Variants in GALNT13 observed in about 807,000 individuals in gnomAD.
GALNT13 encodes polypeptide N-acetylgalactosaminyltransferase 13.
Under a neutral mutation model 64.2 loss-of-function variants are expected in GALNT13, and 28 were observed. The observed-to-expected ratio is 0.44, with a 90% CI of 0.32 to 0.60. The LOEUF (loss-of-function observed/expected upper bound fraction) is 0.60. Among genes scored for constraint, GALNT13 ranks in the 20% least tolerant of loss-of-function variants. The pLI, the probability that GALNT13 is intolerant of heterozygous loss-of-function variation, is 0.05. For synonymous variants in GALNT13, 214 were observed against 224.6 expected, an observed-to-expected ratio of 0.95 and a Z score of 0.42; for missense variants, 577 against 669.8, an observed-to-expected ratio of 0.86 and a Z score of 1.53.
At chr2:154,110,047 G>A (rs1185810142) in intron 3 of GALNT13, among the ~76,000 whole-genome samples, 1 of 151,664 alleles carries the variant, frequency 6.6e-6, no homozygotes, top group African/African-American at 2.4e-5. Context: ...GAGAAAGATA[G>A]ATATTGTTTC....
the GALNT13 span, among the ~76,000 whole-genome samples, chr2:153,183,723 G>T: frequency 6.6e-6 from 1 of 152,108 alleles, no homozygotes; most frequent in Non-Finnish European, 1.5e-5. Flanking sequence ...TATTAAGGAG[G>T]CAGTCTCTCC....
chr2:153,476,538 C>G, the GALNT13 span, among the ~76,000 whole-genome samples: 1 of 152,166 alleles, frequency 6.6e-6, no homozygotes, highest in African/African-American at 2.4e-5. Context: ...GCGTTTCTTT[C>G]TAACACTGTT....
At chr2:153,732,406 T>A in the GALNT13 span, among the ~76,000 whole-genome samples, 1 of 152,130 alleles carries the variant, frequency 6.6e-6, no homozygotes, top group African/African-American at 2.4e-5. Flanking sequence ...CATTATATAT[T>A]ATAATTTTGT....
the GALNT13 span, among the ~76,000 whole-genome samples, chr2:153,368,481 T>G: frequency 1.3e-5 from 2 of 152,082 alleles, no homozygotes; most frequent in Admixed American, 6.6e-5. Context: ...GATATTTTGT[T>G]AGAGCACCCA....
intron 4 of GALNT13, among the ~76,000 whole-genome samples, chr2:154,192,332 G>C (rs957326962): frequency 5.3e-5 from 8 of 152,134 alleles, no homozygotes; most frequent in Admixed American, 3.3e-4. Flanking sequence ...CCAACATCTG[G>C]GTGCGAAGCC....
chr2:154,196,601 A>G (rs1024629871), intron 4 of GALNT13, among the ~76,000 whole-genome samples: 7 of 152,234 alleles, frequency 4.6e-5, no homozygotes, highest in Admixed American at 1.3e-4. Context: ...TTCAATCAAC[A>G]TGATCATTAA....
At chr2:154,419,814 G>T (rs1467604206) in intron 11 of GALNT13, among the ~76,000 whole-genome samples, 1 of 152,140 alleles carries the variant, frequency 6.6e-6, no homozygotes, top group African/African-American at 2.4e-5. Flanking sequence ...GACCAAATTG[G>T]AGAAGACAGT....
chr2:154,382,424 G>C (rs552868262), intron 9 of GALNT13, among the ~76,000 whole-genome samples: 34 of 152,188 alleles, frequency 2.2e-4, no homozygotes, highest in African/African-American at 7.9e-4. Flanking sequence ...GTTAAGTTCA[G>C]TTTTTGAAGT....
intron 9 of GALNT13, among the ~76,000 whole-genome samples, chr2:154,307,197 G>C (rs1294276691): frequency 1.3e-5 from 2 of 151,900 alleles, no homozygotes; most frequent in Non-Finnish European, 2.9e-5. Flanking sequence ...ATGTGCTTAG[G>C]GTTTTATGAT....
At chr2:153,415,272 T>C in the GALNT13 span, among the ~76,000 whole-genome samples, 5 of 152,148 alleles carry the variant, frequency 3.3e-5, no homozygotes, top group African/African-American at 1.2e-4. Context: ...AGGATGCCAA[T>C]TGGTGGAGCC....
At chr2:154,356,160 A>G (rs1012034600) in intron 9 of GALNT13, among the ~76,000 whole-genome samples, 4 of 151,958 alleles carry the variant, frequency 2.6e-5, no homozygotes, top group Admixed American at 2.0e-4. Context: ...TTTTTTGACA[A>G]AGTTATCTAC....
chr2:153,445,495 A>T, the GALNT13 span, among the ~76,000 whole-genome samples: 4 of 152,080 alleles, frequency 2.6e-5, no homozygotes, highest in Non-Finnish European at 5.9e-5. Context: ...CTCCTGCCTC[A>T]GCCTCCAGGG....
At chr2:153,483,696 G>T in the GALNT13 span, among the ~76,000 whole-genome samples, 1 of 152,162 alleles carries the variant, frequency 6.6e-6, no homozygotes, top group Non-Finnish European at 1.5e-5. Flanking sequence ...GATTATAGGT[G>T]TGAGCCACCA....
chr2:154,092,552 A>G (rs1455672070), intron 3 of GALNT13, among the ~76,000 whole-genome samples: 1 of 152,068 alleles, frequency 6.6e-6, no homozygotes, highest in African/African-American at 2.4e-5. Context: ...TTAACTGGAA[A>G]CTGTCACTGT....
chr2:153,505,343 T>G, the GALNT13 span, among the ~76,000 whole-genome samples: 1 of 152,174 alleles, frequency 6.6e-6, no homozygotes, highest in Non-Finnish European at 1.5e-5. Context: ...ACATTTATCT[T>G]TTGTATTGTT....
intron 3 of GALNT13, among the ~76,000 whole-genome samples, chr2:154,025,892 A>G (rs1459980093): frequency 1.3e-5 from 2 of 152,228 alleles, no homozygotes; most frequent in African/African-American, 4.8e-5. Flanking sequence ...TGAATAAATG[A>G]GAGGAGGATA....
intron 9 of GALNT13, among the ~76,000 whole-genome samples, chr2:154,384,197 A>G (rs1698404680): frequency 6.6e-6 from 1 of 151,960 alleles, no homozygotes; most frequent in Admixed American, 6.6e-5. Context: ...TTTGCTAGTG[A>G]CTAATATTTT....
At chr2:154,163,807 A>T (rs949690845) in intron 4 of GALNT13, among the ~76,000 whole-genome samples, 1 of 152,180 alleles carries the variant, frequency 6.6e-6, no homozygotes, top group Non-Finnish European at 1.5e-5. Flanking sequence ...ACTGGGTTTT[A>T]AAAAAAGTGG....
chr2:153,683,646 G>A, the GALNT13 span, among the ~76,000 whole-genome samples: 2 of 151,794 alleles, frequency 1.3e-5, no homozygotes, highest in Non-Finnish European at 3.0e-5. Flanking sequence ...GTGAAGGCTA[G>A]TGAGGGAAAT....
Sources: gnomAD v4.1 joint callset for allele counts (sites outside exome capture counted in the v4.1 genomes callset) on GRCh38, gnomAD v4.1.1 for gene constraint, MANE v1.5 for transcripts, NCBI Gene and HGNC (gene_info 2026-07-23, HGNC 2026-07-21) for gene names.